GEMIN5: variants seen among roughly 807,000 people sequenced by gnomAD.
GEMIN5 encodes gem-associated protein 5.
GEMIN5 carries 124 observed loss-of-function variants against 176.9 expected under a neutral mutation model. That is an observed-to-expected ratio of 0.70 (90% CI 0.61 to 0.81). The LOEUF (loss-of-function observed/expected upper bound fraction) is 0.81. GEMIN5 is among the 40% of genes least tolerant of loss of function. The pLI is 0.00. For synonymous variants in GEMIN5, 673 were observed against 665.2 expected (o/e 1.01, Z -0.18); for missense variants, 1,843 against 1,814.6 (o/e 1.02, Z -0.28).
chr5:154,895,878 A>C (rs1383773374), intron 24 of GEMIN5, among the ~76,000 whole-genome samples: 1 of 152,224 alleles, frequency 6.6e-6, no homozygotes, highest in Non-Finnish European at 1.5e-5. Flanking sequence ...AACTAAAAAA[A>C]ACAAAACAAA....
chr5:154,896,473 C>T lies in GEMIN5; in HGVS notation c.3346-130G>A, dbSNP rs887262692. 38 of 864,206 alleles carry T rather than the reference C, an allele frequency of 4.4e-5. No individual in the cohort carries two copies. The African/African-American group carries it at 5.4e-4, about 12-fold the overall frequency. The allele number at this position is 864,206 out of a possible 1,614,324, so 53.5% of individuals were successfully genotyped here. ...CAACCAAAGCACATTAGTGAGCTACCTGCCCCATATGAGTCATGCATGAAA... is the reference window on the plus strand; with the variant it reads ...CAACCAAAGCACATTAGTGAGCTACTTGCCCCATATGAGTCATGCATGAAA... On this transcript the variant is annotated intron_variant, in intron 23 of 27. Transcript: ENST00000285873.
At chr5:154,927,134 T>C (rs996341095) in intron 7 of GEMIN5, among the ~76,000 whole-genome samples, 2 of 152,174 alleles carry the variant, frequency 1.3e-5, no homozygotes, top group Non-Finnish European at 2.9e-5. Context: ...CTTGACCTAA[T>C]ACATCCTTCC....
chr5:154,889,387 C>G lies in GEMIN5; in HGVS notation c.4293G>C (p.Leu1431=). Residue 1431 remains leucine (L), a synonymous_variant, in exon 27 of 28, where the codon CTG becomes CTC. Transcript: ENST00000285873. ...CKEEKNEPLS[L]PELTKRLTEA... is the part of the protein sequence containing the mutation. The stretch of plus-strand genomic sequence containing the variant: ...CGGTAAGCCTTTTGGTTAACTCAGG[C>G]AGAGAAAGTGGCTCATTTTTTTCTT... 6.2e-7 allele frequency: 1 copy of G among 1,609,470 alleles called. No homozygotes were observed. Among genetic ancestry groups the G allele is most frequent in the African/African-American group, 1.3e-5 (1 of 74,916 alleles).
chr5:154,889,492 G>A, intron 26 of GEMIN5, 75 bp from the exon 27 acceptor site: 2 of 755,606 alleles, frequency 2.6e-6, no homozygotes, highest in South Asian at 1.5e-5. Flanking sequence ...TTATTTTACT[G>A]TGGTAAAATG....
intron 21 of GEMIN5, among the ~76,000 whole-genome samples, chr5:154,901,029 C>G (rs535251532): frequency 6.6e-6 from 1 of 151,998 alleles, no homozygotes; most frequent in Non-Finnish European, 1.5e-5. Context: ...CAGGGTAGAA[C>G]AAAAAGAAAA....
chr5:154,894,938 G>C (rs1230073697), intron 24 of GEMIN5, among the ~76,000 whole-genome samples: 1 of 151,120 alleles, frequency 6.6e-6, no homozygotes, highest in African/African-American at 2.4e-5. Context: ...TATTAGCTGG[G>C]CGTGGTGGCA....
In GEMIN5 at chr5:154,931,962, G is replaced by A. The variant is rs1210840411; in HGVS notation, c.661+137C>T. ...CGGGAGGCGGAGGTTGCGGTGAGCC[G>A]AGATCACGCTCCAGCCTAGGCAACA... On this transcript the variant is annotated intron_variant, in intron 4 of 27. Transcript: ENST00000285873. 4 of 703,350 alleles carry A rather than the reference G, an allele frequency of 5.7e-6. No homozygotes were observed. The South Asian group carries it at 6.0e-5, about 10-fold the overall frequency. 43.6% of individuals were successfully genotyped at this position (703,350 alleles called of 1,614,324 possible). A position where few individuals can be genotyped will look rare whatever the true frequency, so the allele number is the denominator to read the frequency against.
intron 24 of GEMIN5, among the ~76,000 whole-genome samples, chr5:154,893,418 CAA>C: frequency 7.9e-6 from 1 of 126,802 alleles, no homozygotes. Flanking sequence ...GACGCTGTCT[CAA>C]AAAAAAAAAA....
intron 16 of GEMIN5, among the ~76,000 whole-genome samples, chr5:154,905,844 C>A (rs1030835388): frequency 2.6e-5 from 4 of 152,132 alleles, no homozygotes; most frequent in Admixed American, 1.3e-4. Context: ...GCACAAGCCA[C>A]CATGCCTGGC....
intron 8 of GEMIN5, among the ~76,000 whole-genome samples, chr5:154,925,532 G>A (rs1323735035): frequency 6.6e-6 from 1 of 152,146 alleles, no homozygotes; most frequent in Non-Finnish European, 1.5e-5. Context: ...CAAGGAAGAA[G>A]GAATCTACAT....
chr5:154,892,649 A>C, intron 24 of GEMIN5, 100 bp from the exon 25 acceptor site: 2 of 1,109,988 alleles, frequency 1.8e-6, no homozygotes, highest in Non-Finnish European at 2.6e-6. Flanking sequence ...AAACAAGTAC[A>C]CACAATTCAC....
At chr5:154,892,909 C>T (rs943831906) in intron 24 of GEMIN5, among the ~76,000 whole-genome samples, 13 of 151,936 alleles carry the variant, frequency 8.6e-5, no homozygotes, top group Middle Eastern at 3.4e-3. Context: ...CCAGCCTGGC[C>T]AACATGGTGA....
intron 4 of GEMIN5, chr5:154,931,858 A>G (rs1764172646): frequency 2.0e-6 from 1 of 497,036 alleles, no homozygotes; most frequent in Admixed American, 3.7e-5. Flanking sequence ...TACTAAAAAT[A>G]CAAAATTAGC....
intron 15 of GEMIN5, among the ~76,000 whole-genome samples, chr5:154,908,211 G>A (rs937378090): frequency 2.9e-5 from 3 of 101,982 alleles, no homozygotes; most frequent in Non-Finnish European, 1.8e-5. Flanking sequence ...AGATGGTTTC[G>A]CTCTTCTTGC....
chr5:154,937,890 G>A (rs1764302956), intron 1 of GEMIN5, 78 bp downstream of exon 1: 3 of 1,264,182 alleles, frequency 2.4e-6, no homozygotes, highest in Non-Finnish European at 3.2e-6. Context: ...TGTAGAAAAC[G>A]GGGTGGAGTC....
At chr5:154,901,856 G>C (rs74794389) in intron 20 of GEMIN5, among the ~76,000 whole-genome samples, 1 of 151,678 alleles carries the variant, frequency 6.6e-6, no homozygotes, top group South Asian at 2.1e-4. Flanking sequence ...CTGGAGCGCA[G>C]TAGCACAATA....
intron 9 of GEMIN5, among the ~76,000 whole-genome samples, chr5:154,923,405 G>A (rs1280622738): frequency 2.0e-5 from 3 of 152,136 alleles, no homozygotes; most frequent in Non-Finnish European, 2.9e-5. Context: ...CAGCTCTGCA[G>A]TATCATAAAT....
rs779794352 is a variant in GEMIN5, at chr5:154,896,384, A to G, written c.3346-41T>C. ...AAGGAAGAGGAACTGTTATACAGGG[A>G]AAGCACTGGATGATCTCGAGAGCTC... On this transcript the variant is annotated intron_variant, in intron 23 of 27. Transcript: ENST00000285873. 5 of 1,521,116 alleles carry G rather than the reference A, an allele frequency of 3.3e-6. No homozygotes were observed. In the African/African-American group the frequency reaches 5.6e-5, roughly 17 times the overall value. 94.2% of individuals were successfully genotyped at this position (1,521,116 alleles called of 1,614,324 possible). A position where few individuals can be genotyped will look rare whatever the true frequency, so the allele number is the denominator to read the frequency against.
chr5:154,932,207 C>G lies in GEMIN5; in HGVS notation c.553G>C (p.Gly185Arg), dbSNP rs1021357252. 2 of 1,611,198 alleles carry G rather than the reference C, an allele frequency of 1.2e-6. No individual in the cohort carries two copies. The highest frequency in any genetic ancestry group is 1.3e-5 in the African/African-American group (1 of 74,838). The part of the protein sequence containing the change: ...IVVIIDISKK[G>R]EVIHRLRGHD... ...CCTCGAAGCCTATGAATAACTTCTC[C>G]TTTCTTACTGATGTCAATTATCACC... The change falls in exon 4 of 28, where the codon GGA (glycine) becomes CGA (arginine). Residue 185 changes from glycine (G) to arginine (R), a missense_variant. By Grantham distance (125) the Gly-to-Arg change is moderately radical. Transcript: ENST00000285873.
Sources: gnomAD v4.1 joint callset for allele counts (sites outside exome capture counted in the v4.1 genomes callset) on GRCh38, gnomAD v4.1.1 for gene constraint, MANE v1.5 for transcripts, NCBI Gene and HGNC (gene_info 2026-07-23, HGNC 2026-07-21) for gene names.